ADGRB3: variants seen among roughly 807,000 people sequenced by gnomAD.
ADGRB3 encodes brain-specific angiogenesis inhibitor 3.
ADGRB3 carries 37 observed loss-of-function variants against 193.4 expected under a neutral mutation model. The ratio of observed to expected loss-of-function variants is 0.19; its 90% CI spans 0.15 to 0.25. The LOEUF is 0.25. Among genes scored for constraint, ADGRB3 ranks in the 10% least tolerant of loss-of-function variants. ADGRB3 has a pLI of 1.00. For missense variants in ADGRB3, 1,637 were observed against 1,852.9 expected (o/e 0.88, Z 2.14); for synonymous variants, 690 against 644.2 (o/e 1.07, Z -1.08).
chr6:68,925,962 A>G (rs1482670098), intron 3 of ADGRB3, among the ~76,000 whole-genome samples: 1 of 152,064 alleles, frequency 6.6e-6, no homozygotes, highest in African/African-American at 2.4e-5. Flanking sequence ...AATTATTTTA[A>G]TAATAACCTG....
intron 3 of ADGRB3, among the ~76,000 whole-genome samples, chr6:68,861,587 C>A (rs143698669): frequency 1.4e-4 from 22 of 152,110 alleles, no homozygotes; most frequent in African/African-American, 4.8e-4. Flanking sequence ...TAAATAAATT[C>A]TACACACTTG....
intron 11 of ADGRB3, among the ~76,000 whole-genome samples, chr6:69,012,871 T>C (rs1336700591): frequency 1.3e-5 from 2 of 152,068 alleles, no homozygotes; most frequent in Non-Finnish European, 2.9e-5. Flanking sequence ...GGAGGAAGAC[T>C]GATGAGACTA....
intron 3 of ADGRB3, among the ~76,000 whole-genome samples, chr6:68,923,728 C>A (rs1767108059): frequency 1.3e-5 from 2 of 151,992 alleles, no homozygotes; most frequent in South Asian, 4.1e-4. Flanking sequence ...AATTGTCCAT[C>A]CTTTTGGTAG....
chr6:69,031,037 CT>C (rs1770646900), intron 13 of ADGRB3, among the ~76,000 whole-genome samples: 729 of 36,524 alleles, frequency 0.02, 78 homozygotes, highest in Middle Eastern at 0.086. Flanking sequence ...CTCTTCTCTT[CT>C]CTCTTCTCTT....
At chr6:69,214,604 T>C (rs1765736194) in intron 17 of ADGRB3, among the ~76,000 whole-genome samples, 1 of 151,964 alleles carries the variant, frequency 6.6e-6, no homozygotes, top group Non-Finnish European at 1.5e-5. Context: ...GGTTTAAAAT[T>C]ACGGTGAGCA....
chr6:68,637,705 T>C (rs1767989365), intron 2 of ADGRB3, 143 bp downstream of exon 2: 2 of 152,302 alleles, frequency 1.3e-5, no homozygotes, highest in African/African-American at 4.8e-5. Context: ...AAAATGTTAA[T>C]GTATTTTATT....
At chr6:68,935,195 G>A (rs919901057) in intron 4 of ADGRB3, among the ~76,000 whole-genome samples, 3 of 152,170 alleles carry the variant, frequency 2.0e-5, no homozygotes, top group Non-Finnish European at 4.4e-5. Context: ...ACATCAGAAT[G>A]TAAAACCAAC....
intron 17 of ADGRB3, among the ~76,000 whole-genome samples, chr6:69,210,031 G>A (rs1765623279): frequency 6.7e-6 from 1 of 150,284 alleles, no homozygotes. Context: ...TGCTCCTCTA[G>A]AACCACTCCT....
At position 69,236,146 on chromosome 6, in the gene ADGRB3, T is replaced by G. The variant is rs78064141; in HGVS notation, c.2711+1011T>G. Among the ~76,000 whole-genome samples, 1,407 of 152,136 alleles carry G rather than the reference T, an allele frequency of 9.2e-3. 57 individuals carry two copies. The highest frequency in any genetic ancestry group is 0.068 in the Admixed American group (1,033 of 15,272). ...ATTTAAAAAGACCATTTTACTTTGT[T>G]CTTTTAAGAAAATGTATTGTTCTTC... is the stretch of plus-strand genomic sequence containing the variant. On this transcript the variant is annotated intron_variant, in intron 19 of 31. Transcript: ENST00000370598.
At chr6:68,936,120 T>A (rs973441256) in intron 4 of ADGRB3, among the ~76,000 whole-genome samples, 2 of 152,200 alleles carry the variant, frequency 1.3e-5, no homozygotes, top group Non-Finnish European at 2.9e-5. Flanking sequence ...AACACATCAA[T>A]ATATTCCTGC....
At chr6:69,165,776 T>C (rs1234133179) in intron 17 of ADGRB3, among the ~76,000 whole-genome samples, 7 of 152,042 alleles carry the variant, frequency 4.6e-5, no homozygotes, top group Non-Finnish European at 7.4e-5. Context: ...ATTTTACAAA[T>C]GTATGAGACA....
intron 11 of ADGRB3, among the ~76,000 whole-genome samples, chr6:69,000,679 C>G (rs138893417): frequency 6.6e-6 from 1 of 152,118 alleles, no homozygotes; most frequent in African/African-American, 2.4e-5. Flanking sequence ...AACAAAAAGG[C>G]AGAACATCAT....
chr6:69,009,728 T>C (rs1198341067), intron 11 of ADGRB3, among the ~76,000 whole-genome samples: 2 of 152,146 alleles, frequency 1.3e-5, no homozygotes, highest in African/African-American at 4.8e-5. Context: ...GTAATTCTTT[T>C]AAACCTTCAG....
intron 3 of ADGRB3, among the ~76,000 whole-genome samples, chr6:68,897,819 G>A (rs1048041347): frequency 3.4e-5 from 5 of 146,504 alleles, no homozygotes; most frequent in Non-Finnish European, 4.5e-5. Flanking sequence ...AAGAAGAAAA[G>A]GAAGGAAGGA....
chr6:69,344,027 C>A (rs553720073), intron 26 of ADGRB3, among the ~76,000 whole-genome samples: 1 of 152,158 alleles, frequency 6.6e-6, no homozygotes, highest in Non-Finnish European at 1.5e-5. Flanking sequence ...TTCTTGGTGC[C>A]TGCACATTCT....
chr6:68,875,960 A>T (rs763124590), intron 3 of ADGRB3, among the ~76,000 whole-genome samples: 1 of 152,156 alleles, frequency 6.6e-6, no homozygotes, highest in Non-Finnish European at 1.5e-5. Context: ...AGTGTTTTCA[A>T]TTTAATGCTA....
intron 3 of ADGRB3, among the ~76,000 whole-genome samples, chr6:68,727,926 A>G (rs1393507323): frequency 6.6e-6 from 1 of 151,574 alleles, no homozygotes; most frequent in African/African-American, 2.4e-5. Context: ...TTCACCAGAG[A>G]TGACTGTTGA....
intron 26 of ADGRB3, among the ~76,000 whole-genome samples, chr6:69,349,824 C>A (rs984390644): frequency 6.6e-6 from 1 of 152,192 alleles, no homozygotes; most frequent in Non-Finnish European, 1.5e-5. Flanking sequence ...AAACTGTCTT[C>A]TTAAAAGTGA....
chr6:69,233,244 C>T (rs765071442), intron 17 of ADGRB3, 46 bp from the exon 18 acceptor site: 1 of 1,602,196 alleles, frequency 6.2e-7, no homozygotes, highest in South Asian at 1.1e-5. Flanking sequence ...ATTTGGCTAT[C>T]AGGCGTATTT....
Sources: gnomAD v4.1 joint callset for allele counts (sites outside exome capture counted in the v4.1 genomes callset) on GRCh38, gnomAD v4.1.1 for gene constraint, MANE v1.5 for transcripts, NCBI Gene and HGNC (gene_info 2026-07-23, HGNC 2026-07-21) for gene names.